GRM7: variants seen among roughly 807,000 people sequenced by gnomAD.
GRM7 encodes metabotropic glutamate receptor 7.
In GRM7, 35 loss-of-function variants were observed where a neutral mutation model predicts 84.5. The observed-to-expected ratio is 0.41, with a 90% CI of 0.32 to 0.55. GRM7 has a LOEUF of 0.55. GRM7 is among the 20% of genes least tolerant of loss of function. GRM7 has a pLI of 0.19. For missense variants in GRM7, 1,003 were observed against 1,194.6 expected, an observed-to-expected ratio of 0.84 and a Z score of 2.36; for synonymous variants, 487 against 455.1, an observed-to-expected ratio of 1.07 and a Z score of -0.89.
chr3:7,699,906 C>G (rs879030693), intron 9 of GRM7, among the ~76,000 whole-genome samples: 1 of 152,150 alleles, frequency 6.6e-6, no homozygotes, highest in Admixed American at 6.5e-5. Flanking sequence ...GGAGTTGGAC[C>G]TGGCATAACT....
chr3:7,031,680 C>T (rs1464966953), intron 1 of GRM7, among the ~76,000 whole-genome samples: 2 of 152,108 alleles, frequency 1.3e-5, no homozygotes, highest in South Asian at 2.1e-4. Flanking sequence ...TTTTATTATA[C>T]TTGTCATTGC....
chr3:7,384,666 T>C lies in GRM7; in HGVS notation c.1034-30357T>C, dbSNP rs73809091. ...TTCAAAATCTTGGATGTCTTCTACATTTAGAGCACCTTAAGTTGATCAAGA... is the reference window on the plus strand; with the variant it reads ...TTCAAAATCTTGGATGTCTTCTACACTTAGAGCACCTTAAGTTGATCAAGA... On this transcript the variant is annotated intron_variant, in intron 4 of 9. Coordinates refer to ENST00000357716, the MANE Select transcript of GRM7 (RefSeq NM_000844.4). 4.3e-3 allele frequency among the ~76,000 whole-genome samples: 659 copies of C among 152,334 alleles called. 3 individuals are homozygous for C. The highest frequency in any genetic ancestry group is 0.015 in the African/African-American group (607 of 41,570).
intron 1 of GRM7, among the ~76,000 whole-genome samples, chr3:7,129,327 C>A (rs561004740): frequency 1.3e-5 from 2 of 152,176 alleles, no homozygotes; most frequent in Non-Finnish European, 2.9e-5. Flanking sequence ...TTTACAAGTT[C>A]TCTAGCCTAA....
At chr3:7,035,743 G>A (rs994901294) in intron 1 of GRM7, among the ~76,000 whole-genome samples, 3 of 152,082 alleles carry the variant, frequency 2.0e-5, no homozygotes, top group African/African-American at 7.2e-5. Flanking sequence ...AGACACAAAT[G>A]TGGCTTATAT....
chr3:7,424,784 C>T (rs1378026708), intron 5 of GRM7, among the ~76,000 whole-genome samples: 1 of 152,024 alleles, frequency 6.6e-6, no homozygotes, highest in Non-Finnish European at 1.5e-5. Context: ...AGAAAGAAAA[C>T]CAAAAGCAGA....
intron 9 of GRM7, among the ~76,000 whole-genome samples, chr3:7,716,294 A>G (rs1304348534): frequency 6.6e-6 from 1 of 152,186 alleles, no homozygotes; most frequent in Admixed American, 6.5e-5. Flanking sequence ...GCAATTCCCC[A>G]CACTCGTTCC....
chr3:7,011,739 A>T (rs1248995792), intron 1 of GRM7, among the ~76,000 whole-genome samples: 2 of 152,220 alleles, frequency 1.3e-5, no homozygotes, highest in Non-Finnish European at 2.9e-5. Flanking sequence ...AGTTACCTAT[A>T]CTGAGAACCA....
intron 1 of GRM7, among the ~76,000 whole-genome samples, chr3:7,100,519 G>T (rs2125021037): frequency 6.6e-6 from 1 of 151,880 alleles, no homozygotes; most frequent in South Asian, 2.1e-4. Context: ...TAAAATCCCT[G>T]CACAGTTTAA....
In GRM7 at chr3:6,918,808, C is replaced by A. The variant is rs556476156; in HGVS notation, c.519+56901C>A. 1.1e-4 allele frequency among the ~76,000 whole-genome samples: 17 copies of A among 152,192 alleles called. 1 individual carries two copies. In the South Asian group the frequency reaches 3.5e-3, roughly 32 times the overall value. ...TCCAGGATGTAGGCCTGGAGGTATTCGGAGCCATGGTGCGTTGTGATTTTG... is the reference window on the plus strand; with the variant it reads ...TCCAGGATGTAGGCCTGGAGGTATTAGGAGCCATGGTGCGTTGTGATTTTG... On this transcript the variant is annotated intron_variant, in intron 1 of 9. Transcript: ENST00000357716.
chr3:7,272,047 A>T (rs1309867808), intron 2 of GRM7, among the ~76,000 whole-genome samples: 1 of 152,214 alleles, frequency 6.6e-6, no homozygotes, highest in African/African-American at 2.4e-5. Flanking sequence ...TTATTGAAAA[A>T]AAATCCATTT....
chr3:7,166,690 GGCA>G (rs1000441572), intron 2 of GRM7, among the ~76,000 whole-genome samples: 2 of 152,082 alleles, frequency 1.3e-5, no homozygotes, highest in Non-Finnish European at 2.9e-5. Context: ...CCAATTCCAG[GGCA>G]GCTGCTTATT....
chr3:7,173,313 T>C lies in GRM7; in HGVS notation c.736+26645T>C, dbSNP rs561910655. Among the ~76,000 whole-genome samples, 16 of 152,244 alleles carry C rather than the reference T, an allele frequency of 1.1e-4. No homozygotes were observed. The South Asian group carries it at 3.3e-3, about 32-fold the overall frequency. ...CACTTCTCTCCATTTCTGCTGCCACTCCCCTGGTCCAGACCAATGTAATGT... is the reference window on the plus strand; with the variant it reads ...CACTTCTCTCCATTTCTGCTGCCACCCCCCTGGTCCAGACCAATGTAATGT... On this transcript the variant is annotated intron_variant, in intron 2 of 9. Coordinates refer to ENST00000357716, the MANE Select transcript of GRM7 (RefSeq NM_000844.4).
At chr3:7,089,651 G>A (rs78149928) in intron 1 of GRM7, among the ~76,000 whole-genome samples, 177 of 152,202 alleles carry the variant, frequency 1.2e-3, no homozygotes, top group African/African-American at 4.1e-3. Context: ...CATGTGAATT[G>A]TCTTAAAAAT....
At chr3:7,537,075 C>T (rs761809865) in intron 7 of GRM7, among the ~76,000 whole-genome samples, 12 of 152,136 alleles carry the variant, frequency 7.9e-5, no homozygotes, top group Non-Finnish European at 1.8e-4. Flanking sequence ...GTTTACAGCA[C>T]ACACCAGAAT....
At chr3:6,935,152 T>C (rs915357702) in intron 1 of GRM7, among the ~76,000 whole-genome samples, 5 of 152,198 alleles carry the variant, frequency 3.3e-5, no homozygotes, top group African/African-American at 9.6e-5. Flanking sequence ...AGAGGGAGCA[T>C]TTCATGTAGT....
intron 8 of GRM7, among the ~76,000 whole-genome samples, chr3:7,669,491 A>G (rs778967090): frequency 6.6e-6 from 1 of 152,220 alleles, no homozygotes; most frequent in African/African-American, 2.4e-5. Context: ...AAGGAATATT[A>G]TCTTCATCCA....
chr3:7,245,669 A>C (rs1697730320), intron 2 of GRM7, among the ~76,000 whole-genome samples: 2 of 152,136 alleles, frequency 1.3e-5, no homozygotes, highest in South Asian at 4.1e-4. Flanking sequence ...ACACTAAAAA[A>C]TGACAAATGG....
chr3:7,567,747 CAAAAAAAAAAAAAAAAAAAAA>C (rs1176146756), intron 7 of GRM7, among the ~76,000 whole-genome samples: 10 of 45,788 alleles, frequency 2.2e-4, no homozygotes, highest in Non-Finnish European at 2.8e-4. Flanking sequence ...GACTCCATCT[CAAAAAAAAAAAAAAAAAAAAA>C]AAAAAAAAAA....
chr3:6,977,768 G>A (rs2124824273), intron 1 of GRM7, among the ~76,000 whole-genome samples: 1 of 152,152 alleles, frequency 6.6e-6, no homozygotes, highest in East Asian at 1.9e-4. Flanking sequence ...GGCTTAACAT[G>A]ACTTCAGTGG....
Sources: gnomAD v4.1 joint callset for allele counts (sites outside exome capture counted in the v4.1 genomes callset) on GRCh38, gnomAD v4.1.1 for gene constraint, MANE v1.5 for transcripts, NCBI Gene and HGNC (gene_info 2026-07-23, HGNC 2026-07-21) for gene names.